PCDHGA1: variants seen among roughly 807,000 people sequenced by gnomAD.
PCDHGA1 encodes the protein protocadherin gamma subfamily A, 1, also known as protocadherin gamma-A1.
A neutral mutation model predicts 58.0 loss-of-function variants in PCDHGA1; 32 were observed. That is an observed-to-expected ratio of 0.55 (90% CI 0.42 to 0.74). The LOEUF (loss-of-function observed/expected upper bound fraction) is 0.74. Among genes scored for constraint, PCDHGA1 ranks in the 30% least tolerant of loss-of-function variants. PCDHGA1 has a pLI of 0.00. For missense variants in PCDHGA1, 1,205 were observed against 1,182.3 expected, an observed-to-expected ratio of 1.02 and a Z score of -0.28; for synonymous variants, 498 against 501.1, an observed-to-expected ratio of 0.99 and a Z score of 0.08.
Position 141,481,770 on chromosome 5 carries a change from G to T in PCDHGA1, c.2422-13037G>T, listed in dbSNP as rs188953511. 6.1e-3 allele frequency among the ~76,000 whole-genome samples: 929 copies of T among 152,184 alleles called. 10 individuals are homozygous for T. Among genetic ancestry groups the T allele is most frequent in the African/African-American group, 0.022 (895 of 41,516 alleles). On this transcript the variant is annotated intron_variant, in intron 1 of 3. Coordinates refer to ENST00000517417, the MANE Select transcript of PCDHGA1 (RefSeq NM_018912.3). ...AGTCCAAGACCAGCCTGGCCAACAT[G>T]GTGAAACCCCGTCTCTACTAAAAAT... is the stretch of plus-strand genomic sequence containing the variant.
chr5:141,422,719 CA>C (rs2096667277), intron 1 of PCDHGA1: 1 of 1,604,786 alleles, frequency 6.2e-7, no homozygotes, highest in Admixed American at 1.7e-5. Flanking sequence ...TGACACTGTC[CA>C]GGGGGTGCCT....
chr5:141,511,730 T>C lies in PCDHGA1; in HGVS notation c.*557T>C, dbSNP rs772107999. 5.1e-5 allele frequency: 9 copies of C among 177,790 alleles called. No homozygotes were observed. The highest frequency in any genetic ancestry group is 5.3e-5 in the Admixed American group (1 of 18,706). The allele number at this position is 177,790 out of a possible 1,614,324, so 11.0% of individuals were successfully genotyped here. On this transcript the variant is annotated 3_prime_UTR_variant, in exon 4 of 4. Transcript: ENST00000517417. ...ACCTCCTTCCAGAGCCCAAGATCAA[T>C]GCTCAAGTTTTGGAGGACATGATCA...
intron 1 of PCDHGA1, among the ~76,000 whole-genome samples, chr5:141,447,493 T>A (rs538320272): frequency 3.3e-5 from 5 of 152,186 alleles, no homozygotes; most frequent in East Asian, 1.9e-4. Flanking sequence ...AGAAGGAATG[T>A]TTAGGATAAA....
chr5:141,417,869 A>C, intron 1 of PCDHGA1: 2 of 1,553,552 alleles, frequency 1.3e-6, no homozygotes, highest in South Asian at 2.4e-5. Context: ...GATGGGAGGG[A>C]GCTGCGCGCA....
intron 1 of PCDHGA1, chr5:141,377,067 G>A (rs1202945515): frequency 6.6e-6 from 1 of 152,572 alleles, no homozygotes; most frequent in Non-Finnish European, 1.5e-5. Context: ...CCTTTGCAGA[G>A]AGTCACATAA....
intron 1 of PCDHGA1, among the ~76,000 whole-genome samples, chr5:141,369,682 A>G (rs979966381): frequency 2.0e-5 from 3 of 152,250 alleles, no homozygotes; most frequent in African/African-American, 7.2e-5. Flanking sequence ...AGTGAAACAT[A>G]GAATAAAACT....
At chr5:141,398,367 G>C (rs1480641333) in intron 1 of PCDHGA1, 1 of 1,430,476 alleles carries the variant, frequency 7.0e-7, no homozygotes, top group Non-Finnish European at 9.7e-7. Context: ...TGAGCGCAGA[G>C]AGCGGGGAGT....
chr5:141,404,227 A>G, intron 1 of PCDHGA1: 3 of 1,613,818 alleles, frequency 1.9e-6, no homozygotes, highest in East Asian at 2.2e-5. Context: ...TGACTGCAAC[A>G]GACAGAGGAA....
At chr5:141,386,678 G>T (rs1376452903) in intron 1 of PCDHGA1, among the ~76,000 whole-genome samples, 2 of 152,012 alleles carry the variant, frequency 1.3e-5, no homozygotes, top group African/African-American at 4.8e-5. Context: ...CATTTCAGAT[G>T]TACAATCACT....
intron 1 of PCDHGA1, chr5:141,408,675 CG>C (rs757230674): frequency 2.3e-5 from 37 of 1,613,832 alleles, no homozygotes; most frequent in Non-Finnish European, 3.1e-5. Flanking sequence ...GACCCTGCCA[CG>C]GATCCTGATA....
intron 1 of PCDHGA1, chr5:141,350,354 C>T: frequency 1.3e-6 from 2 of 1,564,932 alleles, no homozygotes; most frequent in South Asian, 1.2e-5. Context: ...CCAGCAGATC[C>T]GATACACGAT....
intron 1 of PCDHGA1, chr5:141,388,437 A>C: frequency 6.2e-7 from 1 of 1,613,892 alleles, no homozygotes; most frequent in Non-Finnish European, 8.5e-7. Context: ...AAATAAAGAG[A>C]AATCAGATGG....
intron 1 of PCDHGA1, among the ~76,000 whole-genome samples, chr5:141,458,557 G>A (rs1258900717): frequency 6.9e-6 from 1 of 143,954 alleles, no homozygotes; most frequent in Non-Finnish European, 1.5e-5. Context: ...TGTTTGTTTT[G>A]GTTTTGGGTT....
rs757924501 is a variant in PCDHGA1, at chr5:141,490,548, A to G, written c.2422-4259A>G. 1.2e-6 allele frequency: 2 copies of G among 1,614,084 alleles called. No individual in the cohort carries two copies. Among genetic ancestry groups the G allele is most frequent in the South Asian group, 2.2e-5 (2 of 91,080 alleles). ...ATGCTGGTTCACCTTCCCTACACAA[A>G]CATCTCACCATCAGGCTCAACATTT... On this transcript the variant is annotated intron_variant, in intron 1 of 3. Transcript: ENST00000517417. This position sits in a 1 kb window ranked among gnomAD's most constrained non-coding sequence, Gnocchi z 5.4.
intron 1 of PCDHGA1, chr5:141,384,570 C>T (rs1344812982): frequency 6.2e-7 from 1 of 1,614,240 alleles, no homozygotes; most frequent in South Asian, 1.1e-5. Context: ...ACCAGAATGA[C>T]AACCCGCCCG....
At chr5:141,430,931 G>C (rs781580216) in intron 1 of PCDHGA1, 2 of 1,607,530 alleles carry the variant, frequency 1.2e-6, no homozygotes, top group Admixed American at 1.7e-5. Flanking sequence ...GGAGCCCCGG[G>C]AGCTCGCGGA....
chr5:141,389,430 C>T (rs2091763189), intron 1 of PCDHGA1: 1 of 1,610,546 alleles, frequency 6.2e-7, no homozygotes, highest in Non-Finnish European at 8.5e-7. Context: ...GTTCGCGCAG[C>T]GCGCCTTCGA....
intron 1 of PCDHGA1, chr5:141,343,961 TG>T (rs746769651): frequency 1.0e-5 from 14 of 1,353,936 alleles, no homozygotes; most frequent in Non-Finnish European, 1.3e-5. Flanking sequence ...CTTCGTTTCT[TG>T]AGAAAATAAG....
rs145695495 is a variant in PCDHGA1, at chr5:141,332,171, T to C, written c.1487T>C (p.Ile496Thr). 9 of 1,614,012 alleles carry C rather than the reference T, an allele frequency of 5.6e-6. No homozygotes were observed. The African/African-American group carries it at 1.1e-4, about 19-fold the overall frequency. ...ACTTACTCCCTAATAGAGGACACTA[T>C]CCAGGGGGCACCCCTATCTGCCTAC... ...QITYSLIEDTIQGAPLSAYLS... is the reference protein window; with the variant it reads ...QITYSLIEDTTQGAPLSAYLS... Residue 496 changes from isoleucine to threonine, a missense_variant, in exon 1 of 4, where the codon ATC becomes ACC. Transcript: ENST00000517417. The surrounding 1 kb of genome is among the most constrained non-coding windows in gnomAD (Gnocchi z 4.6).
Sources: gnomAD v4.1 joint callset for allele counts (sites outside exome capture counted in the v4.1 genomes callset) on GRCh38, gnomAD v4.1.1 for gene constraint, Gnocchi (gnomAD v3.1) non-coding constraint, MANE v1.5 for transcripts, NCBI Gene and HGNC (gene_info 2026-07-23, HGNC 2026-07-21) for gene names.